The following MEGF11 variants were observed in gnomAD, a reference collection of about 807,000 sequenced individuals.
MEGF11 encodes the protein multiple EGF like domains 11.
In MEGF11, 126 loss-of-function variants were observed where a neutral mutation model predicts 146.6. That is an observed-to-expected ratio of 0.86 (90% confidence interval 0.74 to 1.00). The LOEUF is 1.00. Among genes scored for constraint, MEGF11 ranks in the 50% least tolerant of loss-of-function variants. MEGF11 has a pLI of 0.00. For synonymous variants in MEGF11, 532 were observed against 583.4 expected, an observed-to-expected ratio of 0.91 and a Z score of 1.27; for missense variants, 1,509 against 1,521.2, an observed-to-expected ratio of 0.99 and a Z score of 0.13.
chr15:65,929,644 G>A, intron 12 of MEGF11, 76 bp downstream of exon 12: 2 of 1,484,802 alleles, frequency 1.3e-6, no homozygotes, highest in South Asian at 2.6e-5. Context: ...GTGCACTCTT[G>A]TGGACGAACT....
chr15:66,032,367 A>G (rs1363347538), intron 5 of MEGF11, among the ~76,000 whole-genome samples: 2 of 152,236 alleles, frequency 1.3e-5, no homozygotes, highest in African/African-American at 4.8e-5. Flanking sequence ...GAAAATGTGG[A>G]AGGGTTTGAG....
At chr15:66,028,379 CAAAT>C (rs1198786459) in intron 5 of MEGF11, among the ~76,000 whole-genome samples, 2 of 152,142 alleles carry the variant, frequency 1.3e-5, no homozygotes, top group African/African-American at 2.4e-5. Flanking sequence ...TTTAGGGAAA[CAAAT>C]AACATGCACT....
intron 1 of MEGF11, among the ~76,000 whole-genome samples, chr15:66,189,326 C>A (rs935411564): frequency 2.6e-5 from 4 of 151,994 alleles, no homozygotes; most frequent in Admixed American, 2.0e-4. Flanking sequence ...GGGACAGATG[C>A]CAGCGGGAAG....
At chr15:65,948,957 T>C (rs2080295309) in intron 10 of MEGF11, among the ~76,000 whole-genome samples, 1 of 152,164 alleles carries the variant, frequency 6.6e-6, no homozygotes, top group Admixed American at 6.5e-5. Context: ...TTCAGGAAAA[T>C]CTTTTACTAC....
chr15:65,941,654 T>C (rs2079996102), intron 10 of MEGF11, among the ~76,000 whole-genome samples: 3 of 152,226 alleles, frequency 2.0e-5, no homozygotes, highest in Admixed American at 2.0e-4. Flanking sequence ...AACCATTCTC[T>C]TTCCTGAGAT....
Position 66,035,009 on chromosome 15 carries a change from G to A in MEGF11, c.395-52521C>T, listed in dbSNP as rs76595892. Among the ~76,000 whole-genome samples, 2,316 of 152,166 alleles carry A rather than the reference G, an allele frequency of 0.015. 260 individuals carry two copies. The East Asian group carries it at 0.31, about 20-fold the overall frequency. On this transcript the variant is annotated intron_variant, in intron 5 of 25. Transcript: ENST00000395614. ...GGCCCTCACCAGATGCCAGTGTCAC[G>A]CTCTCGTACTTCCCAGCCTTCAGAA...
chr15:66,055,923 A>C (rs1219219866), intron 5 of MEGF11, among the ~76,000 whole-genome samples: 1 of 152,124 alleles, frequency 6.6e-6, no homozygotes, highest in Non-Finnish European at 1.5e-5. Context: ...GGGCTTTCTG[A>C]CCATTAGTAT....
chr15:66,056,733 G>A (rs1185858460), intron 5 of MEGF11, among the ~76,000 whole-genome samples: 1 of 152,220 alleles, frequency 6.6e-6, no homozygotes, highest in Non-Finnish European at 1.5e-5. Context: ...TTAGGAGGCT[G>A]GAGCTCAAGA....
In MEGF11 at chr15:65,909,067, GTC is replaced by G; in HGVS notation, c.2963_2964del (p.Arg988ThrfsTer7). On this transcript the variant is annotated frameshift_variant, in exon 23 of 26. Transcript: ENST00000395614. LOFTEE classifies it high-confidence loss of function. ...TGTGGCTCAGCGGGGCGGCTGAGGT[GTC>G]TAAGTTCAATGTAGAAGTCCTCGGG... ...YPPEDFYIEL[R>X]HLSRPAEPHS... The G allele has an allele frequency of 6.5e-7, 1 of 1,535,762 alleles. No individual in the cohort carries two copies. The highest frequency in any genetic ancestry group is 8.7e-7 in the Non-Finnish European group (1 of 1,146,716).
rs1446693106 is a variant in MEGF11 at position 66,252,231 on chromosome 15, AC to A, written c.-9+1373del. On this transcript the variant is annotated intron_variant, in intron 1 of 25. Coordinates refer to ENST00000395614, the MANE Select transcript of MEGF11 (RefSeq NM_001385028.1). ...CCGCGAGCCGCACCCCCCGCCCCCC[AC>A]CCCCCACCCCCCACCGGCCGGGGTT... Among the ~76,000 whole-genome samples, 28 of 54,862 alleles carry A rather than the reference AC, an allele frequency of 5.1e-4. 1 individual carries two copies. Among genetic ancestry groups the A allele is most frequent in the African/African-American group, 1.6e-3 (27 of 16,448 alleles). The allele number at this position is 54,862 out of a possible 152,430, so 36.0% of individuals were successfully genotyped here. A position where few individuals can be genotyped will look rare whatever the true frequency, so the allele number is the denominator to read the frequency against.
At chr15:66,039,227 A>T (rs2083851897) in intron 5 of MEGF11, among the ~76,000 whole-genome samples, 1 of 152,204 alleles carries the variant, frequency 6.6e-6, no homozygotes, top group African/African-American at 2.4e-5. Flanking sequence ...AGGAACTTCC[A>T]TTCCACAGCG....
chr15:65,924,081 A>G (rs2079274599), intron 13 of MEGF11, among the ~76,000 whole-genome samples: 1 of 152,032 alleles, frequency 6.6e-6, no homozygotes, highest in Non-Finnish European at 1.5e-5. Context: ...AAAGACACTC[A>G]TGCCCAGTGA....
chr15:66,022,010 G>A (rs867914913), intron 5 of MEGF11, among the ~76,000 whole-genome samples: 1 of 152,214 alleles, frequency 6.6e-6, no homozygotes, highest in Non-Finnish European at 1.5e-5. Flanking sequence ...GGTCAGGCGG[G>A]ATTAAGGGCA....
chr15:66,104,787 AG>A (rs1350541433), intron 4 of MEGF11, among the ~76,000 whole-genome samples: 1 of 152,210 alleles, frequency 6.6e-6, no homozygotes, highest in Non-Finnish European at 1.5e-5. Context: ...AAGCCAGGTC[AG>A]GGCGCACATC....
intron 5 of MEGF11, among the ~76,000 whole-genome samples, chr15:66,005,106 G>GA (rs1231993259): frequency 6.6e-6 from 1 of 152,094 alleles, no homozygotes; most frequent in Non-Finnish European, 1.5e-5. Context: ...TCTTAAAAAA[G>GA]AAAAACAGAT....
chr15:66,145,144 G>A (rs1243620119), intron 1 of MEGF11, among the ~76,000 whole-genome samples: 1 of 152,212 alleles, frequency 6.6e-6, no homozygotes, highest in Non-Finnish European at 1.5e-5. Flanking sequence ...GCAGAGGCCT[G>A]AGCTGAGAGC....
At chr15:66,207,479 C>G (rs563288310) in intron 1 of MEGF11, among the ~76,000 whole-genome samples, 1 of 152,114 alleles carries the variant, frequency 6.6e-6, no homozygotes, top group Non-Finnish European at 1.5e-5. Context: ...AATGAATAAA[C>G]TAAGACATTC....
At chr15:65,965,619 T>TTCTTTCTTTCTTTCTTTCTTTCTTTTC (rs2081061192) in intron 8 of MEGF11, among the ~76,000 whole-genome samples, 1 of 119,954 alleles carries the variant, frequency 8.3e-6, no homozygotes, top group Non-Finnish European at 1.9e-5. Context: ...TTTTCTTTTT[T>TTCTTTCTTTCTTTCTTTCTTTCTTTTC]TTTTTTTTGG....
At chr15:66,115,442 G>A (rs566429124) in intron 4 of MEGF11, among the ~76,000 whole-genome samples, 3 of 152,302 alleles carry the variant, frequency 2.0e-5, no homozygotes, top group South Asian at 2.1e-4. Flanking sequence ...GCCCATGTGG[G>A]GCCAGTTGGT....
Sources: gnomAD v4.1 joint callset for allele counts (sites outside exome capture counted in the v4.1 genomes callset) on GRCh38, gnomAD v4.1.1 for gene constraint, MANE v1.5 for transcripts, NCBI Gene and HGNC (gene_info 2026-07-23, HGNC 2026-07-21) for gene names.